The following MINK1 variants were observed in gnomAD, a reference collection of about 807,000 sequenced individuals.
MINK1 encodes the protein misshapen-like kinase 1.
A neutral mutation model predicts 178.4 loss-of-function variants in MINK1; 46 were observed. That is an observed-to-expected ratio of 0.26 (90% CI 0.20 to 0.33). The LOEUF (loss-of-function observed/expected upper bound fraction) is 0.33, where lower values mean the gene tolerates loss of function less well. Ranked by LOEUF, MINK1 falls within the 10% of genes least tolerant of loss-of-function variation. MINK1 has a pLI of 1.00. For missense variants in MINK1, 1,366 were observed against 1,814.9 expected (o/e 0.75, Z 4.49); for synonymous variants, 797 against 709.7 (o/e 1.12, Z -1.96).
At chr17:4,891,882 G>A (rs566250174) in intron 16 of MINK1, among the ~76,000 whole-genome samples, 166 bp downstream of exon 16, 82 of 152,348 alleles carry the variant, frequency 5.4e-4, no homozygotes, top group South Asian at 2.1e-3. Flanking sequence ...ACGCGACGTG[G>A]AGGGGTGGCA....
Position 4,851,684 on chromosome 17 carries a change from G to A in MINK1, c.57+18044G>A, listed in dbSNP as rs367708947. 1.5e-4 allele frequency among the ~76,000 whole-genome samples: 23 copies of A among 152,048 alleles called. No individual in the cohort carries two copies. The East Asian group carries it at 3.1e-3, about 20-fold the overall frequency. ...TTCCCGTGTGGTTTTTGCCAACCAC[G>A]TAGGAATTCCCTGCCTTAAGAAAGT... is the stretch of plus-strand genomic sequence containing the variant. On this transcript the variant is annotated intron_variant, in intron 1 of 31. Transcript: ENST00000355280.
At chr17:4,870,515 A>G (rs1391778493) in intron 1 of MINK1, among the ~76,000 whole-genome samples, 1 of 152,084 alleles carries the variant, frequency 6.6e-6, no homozygotes, top group African/African-American at 2.4e-5. Flanking sequence ...TTTACATACC[A>G]TAAAATTTAC....
intron 31 of MINK1, 39 bp from the exon 32 acceptor site, chr17:4,897,165 A>C (rs542862067): frequency 4.5e-6 from 7 of 1,572,794 alleles, no homozygotes; most frequent in Admixed American, 1.7e-5. Context: ...CACCCCCCCA[A>C]CCTCAGCCCT....
At position 4,885,829 on chromosome 17, in the gene MINK1, A is replaced by G. The variant is rs372790957; in HGVS notation, c.640-82A>G. ...TGGGTGTGGCCCAGGAAGGCTCCTG[A>G]GAGGCCAGGATGGTGGGTGAAGAGA... is the stretch of plus-strand genomic sequence containing the variant. On this transcript the variant is annotated intron_variant, in intron 7 of 31. Coordinates refer to ENST00000355280, the MANE Select transcript of MINK1 (RefSeq NM_153827.5). This position sits in a 1 kb window ranked among gnomAD's most constrained non-coding sequence, Gnocchi z 5.0. 1 of 1,518,912 alleles carries G rather than the reference A, an allele frequency of 6.6e-7. No homozygotes were observed. Among genetic ancestry groups the G allele is most frequent in the African/African-American group, 1.4e-5 (1 of 73,232 alleles). The allele number at this position is 1,518,912 out of a possible 1,614,324, so 94.1% of individuals were successfully genotyped here.
intron 1 of MINK1, among the ~76,000 whole-genome samples, chr17:4,873,726 C>A (rs1966919969): frequency 6.8e-6 from 1 of 147,344 alleles, no homozygotes; most frequent in Admixed American, 7.1e-5. Context: ...TCAAGCGATT[C>A]TCCTGCCTCA....
chr17:4,886,439 CACT>C lies in MINK1; in HGVS notation c.774-11_774-9del. The C allele has an allele frequency of 6.3e-7, 1 of 1,594,150 alleles. No homozygotes were observed. Among genetic ancestry groups the C allele is most frequent in the Non-Finnish European group, 8.6e-7 (1 of 1,169,270 alleles). ...AGGGGACCCTCCCAGTGTGAGCCAC[CACT>C]GTTTCCAGGTCTAAGAAGTTCATTG... is the stretch of plus-strand genomic sequence containing the variant. On this transcript the variant is annotated splice_polypyrimidine_tract_variant and intron_variant, in intron 9 of 31. Coordinates refer to ENST00000355280, the MANE Select transcript of MINK1 (RefSeq NM_153827.5). The surrounding 1 kb of genome is among the most constrained non-coding windows in gnomAD (Gnocchi z 6.1).
At chr17:4,876,978 G>A (rs1421836554) in intron 1 of MINK1, among the ~76,000 whole-genome samples, 3 of 152,028 alleles carry the variant, frequency 2.0e-5, no homozygotes, top group African/African-American at 7.2e-5. Context: ...GGTCCCAGCT[G>A]TTCAGGAGGC....
chr17:4,892,802 G>A lies in MINK1; in HGVS notation c.2311+34G>A, dbSNP rs760382805. 10 of 1,555,226 alleles carry A rather than the reference G, an allele frequency of 6.4e-6. No individual in the cohort carries two copies. The African/African-American group carries it at 9.5e-5, about 15-fold the overall frequency. On this transcript the variant is annotated intron_variant, in intron 19 of 31. Transcript: ENST00000355280. The stretch of plus-strand genomic sequence containing the variant: ...GCCAGGGCTGGGCAGCCTGCTCTGG[G>A]CCTGGGGGCTTATCACCATGGACCC...
chr17:4,891,162 G>A, intron 15 of MINK1, 38 bp downstream of exon 15: 1 of 1,469,864 alleles, frequency 6.8e-7, no homozygotes, highest in Non-Finnish European at 9.0e-7. Context: ...TGAAGACACA[G>A]GGAGCTTTGT....
At chr17:4,879,633 C>T (rs749297168) in intron 2 of MINK1, among the ~76,000 whole-genome samples, 16 of 152,196 alleles carry the variant, frequency 1.1e-4, no homozygotes, top group African/African-American at 3.4e-4. Flanking sequence ...CCTGCTCGTC[C>T]CCAGGAAGCC....
intron 1 of MINK1, among the ~76,000 whole-genome samples, chr17:4,839,943 G>A (rs1448112227): frequency 2.6e-4 from 5 of 19,210 alleles, no homozygotes; most frequent in Admixed American, 1.6e-3. Flanking sequence ...TTATTAATGT[G>A]TGTGTGTGTG....
intron 1 of MINK1, among the ~76,000 whole-genome samples, chr17:4,849,493 T>A (rs1249188128): frequency 6.6e-6 from 1 of 152,182 alleles, no homozygotes; most frequent in Admixed American, 6.5e-5. Context: ...AGATTTGAGA[T>A]TCCTGCCTTG....
intron 20 of MINK1, 47 bp downstream of exon 20, chr17:4,893,114 G>T (rs1473508147): frequency 6.5e-7 from 1 of 1,542,696 alleles, no homozygotes; most frequent in Non-Finnish European, 8.8e-7. Flanking sequence ...CTGGTTTGGG[G>T]CTTAGCCTCA....
At chr17:4,873,550 A>C (rs990638623) in intron 1 of MINK1, among the ~76,000 whole-genome samples, 1 of 150,276 alleles carries the variant, frequency 6.7e-6, no homozygotes, top group African/African-American at 2.5e-5. Flanking sequence ...AACATCCCCA[A>C]TTCAACATTC....
chr17:4,840,296 T>C (rs1910012944), intron 1 of MINK1, among the ~76,000 whole-genome samples: 1 of 152,040 alleles, frequency 6.6e-6, no homozygotes, highest in Non-Finnish European at 1.5e-5. Context: ...AAGCATTTGG[T>C]CAACAATTGA....
chr17:4,894,770 A>C lies in MINK1; in HGVS notation c.2917+137A>C, dbSNP rs1969267456. On this transcript the variant is annotated intron_variant, in intron 24 of 31. Transcript: ENST00000355280. The surrounding 1 kb of genome is among the most constrained non-coding windows in gnomAD (Gnocchi z 4.1). ...CTTGGGCCCTAGCACCTGCCTGGGCACAGAGGCAAGGAAGAGCCTCTGAGA... is the reference window on the plus strand; with the variant it reads ...CTTGGGCCCTAGCACCTGCCTGGGCCCAGAGGCAAGGAAGAGCCTCTGAGA... The C allele has an allele frequency of 4.2e-6, 3 of 716,272 alleles. No homozygotes were observed. Among genetic ancestry groups the C allele is most frequent in the African/African-American group, 3.5e-5 (2 of 57,008 alleles). The allele number at this position is 716,272 out of a possible 1,614,324, so 44.4% of individuals were successfully genotyped here. A position where few individuals can be genotyped will look rare whatever the true frequency, so the allele number is the denominator to read the frequency against.
At chr17:4,864,594 G>A (rs1302565765) in intron 1 of MINK1, among the ~76,000 whole-genome samples, 1 of 151,542 alleles carries the variant, frequency 6.6e-6, no homozygotes, top group Non-Finnish European at 1.5e-5. Flanking sequence ...GCATGGTGGT[G>A]GGTGCCTGTA....
rs751412069 is a variant in MINK1, at chr17:4,891,033, C to T, written c.1649C>T (p.Pro550Leu). 2 of 1,557,428 alleles carry T rather than the reference C, an allele frequency of 1.3e-6. No individual in the cohort carries two copies. Among genetic ancestry groups the T allele is most frequent in the Admixed American group, 3.9e-5 (2 of 51,792 alleles). The change falls in exon 15 of 32, where the codon CCC becomes CTC. Residue 550 changes from proline to leucine, a missense_variant. This residue lies in a region of MINK1 where 709 missense variants were observed against 692.3 expected (regional missense o/e 1.02). Transcript: ENST00000355280. ...SKPGSTGPEPPIPQASPGPPG... is the reference protein window; with the variant it reads ...SKPGSTGPEPLIPQASPGPPG... ...CCAGGCAGCACGGGGCCTGAGCCCC[C>T]CATCCCCCAGGCCTCCCCAGGGCCC...
chr17:4,890,764 A>G (rs543850603), intron 14 of MINK1, 29 bp downstream of exon 14: 2 of 1,538,582 alleles, frequency 1.3e-6, no homozygotes, highest in Non-Finnish European at 8.8e-7. Flanking sequence ...GCCTCCTGAG[A>G]CTGCAGTCCC....
Sources: allele counts gnomAD v4.1 joint callset (sites outside exome capture counted in the v4.1 genomes callset), GRCh38; gene constraint gnomAD v4.1.1; regional missense constraint gnomAD v4.1.1; non-coding constraint Gnocchi (gnomAD v3.1); transcripts MANE v1.5; gene names NCBI Gene and HGNC (gene_info 2026-07-23, HGNC 2026-07-21).